EYS: variants seen among roughly 807,000 people sequenced by gnomAD.
EYS encodes EGF-like photoreceptor maintenance factor.
A neutral mutation model predicts 282.1 loss-of-function variants in EYS; 250 were observed. The ratio of observed to expected loss-of-function variants is 0.89; its 90% CI spans 0.80 to 0.98. The LOEUF (loss-of-function observed/expected upper bound fraction) is 0.98. Ranked by LOEUF, EYS falls within the 50% of genes least tolerant of loss-of-function variation. The probability of loss-of-function intolerance (pLI) is 0.00; values close to 1 mark genes in which losing one functional copy is unlikely to be tolerated. For synonymous variants in EYS, 1,355 were observed against 1,282.9 expected, an observed-to-expected ratio of 1.06 and a Z score of -1.20; for missense variants, 4,016 against 3,709.0, an observed-to-expected ratio of 1.08 and a Z score of -2.15.
intron 29 of EYS, among the ~76,000 whole-genome samples, chr6:64,362,918 C>T (rs563926427): frequency 2.0e-4 from 30 of 151,750 alleles, no homozygotes; most frequent in African/African-American, 7.0e-4. Context: ...TGTGAATATC[C>T]TTGTCAATTT....
intron 35 of EYS, among the ~76,000 whole-genome samples, chr6:63,981,371 G>T (rs550084849): frequency 6.6e-6 from 1 of 151,488 alleles, no homozygotes; most frequent in Admixed American, 6.6e-5. Context: ...ATCCTTTCAA[G>T]AATTAAAAAA....
chr6:65,346,940 G>A (rs964656640), intron 9 of EYS, among the ~76,000 whole-genome samples: 12 of 151,772 alleles, frequency 7.9e-5, no homozygotes. Flanking sequence ...TCCTAGATGA[G>A]TTCTACATTC....
At chr6:65,035,538 T>C (rs1430185532) in intron 13 of EYS, among the ~76,000 whole-genome samples, 1 of 152,014 alleles carries the variant, frequency 6.6e-6, no homozygotes, top group Non-Finnish European at 1.5e-5. Context: ...TATACACCAA[T>C]GATGTCCAAA....
At chr6:65,491,657 A>G (rs1376679998) in intron 4 of EYS, 1 of 394,074 alleles carries the variant, frequency 2.5e-6, no homozygotes, top group African/African-American at 2.1e-5. Flanking sequence ...AAGGTTCTCC[A>G]AACATAAAAA....
chr6:64,806,627 A>C (rs1480512854), intron 22 of EYS, among the ~76,000 whole-genome samples: 1 of 152,142 alleles, frequency 6.6e-6, no homozygotes, highest in Non-Finnish European at 1.5e-5. Context: ...AGGTAGAAAG[A>C]GTAATAAAGT....
In EYS at chr6:64,912,631, G is replaced by T; in HGVS notation, c.2494C>A (p.Gln832Lys). The T allele has an allele frequency of 1.3e-6, 2 of 1,550,610 alleles. No homozygotes were observed. The highest frequency in any genetic ancestry group is 1.2e-5 in the South Asian group (1 of 83,962). ...AGGGGTGGGCACAGACATACAAATT[G>T]TCCAGGGATGGTAGATTCATGACAA... The part of the protein sequence containing the change: ...GLCHESTIPG[Q>K]FVCLCPPLYT... Residue 832 changes from glutamine to lysine, a missense_variant, in exon 16 of 43, where the codon CAA becomes AAA. Physicochemically the swap from Gln to Lys is moderately conservative, Grantham distance 53. Transcript: ENST00000503581.
chr6:65,563,776 T>C (rs559151876), intron 2 of EYS, among the ~76,000 whole-genome samples: 1 of 152,250 alleles, frequency 6.6e-6, no homozygotes, highest in Admixed American at 6.5e-5. Context: ...GTGACTGTCT[T>C]GTAATTGTCA....
chr6:63,980,038 CA>C (rs1767016393), intron 35 of EYS, among the ~76,000 whole-genome samples: 1 of 151,786 alleles, frequency 6.6e-6, no homozygotes, highest in South Asian at 2.1e-4. Context: ...AACCAAGGTA[CA>C]AAAATTAGTG....
At chr6:64,518,213 A>G (rs1314692117) in intron 26 of EYS, among the ~76,000 whole-genome samples, 1 of 151,844 alleles carries the variant, frequency 6.6e-6, no homozygotes, top group Non-Finnish European at 1.5e-5. Flanking sequence ...TTCTCTATGC[A>G]GTCTAAGAAA....
At chr6:64,422,246 G>A (rs1306192231) in intron 28 of EYS, among the ~76,000 whole-genome samples, 3 of 151,922 alleles carry the variant, frequency 2.0e-5, no homozygotes, top group Non-Finnish European at 4.4e-5. Context: ...CATGTTACTC[G>A]AAACATGTTA....
intron 12 of EYS, among the ~76,000 whole-genome samples, chr6:65,290,411 C>A (rs1292847343): frequency 6.6e-6 from 1 of 150,816 alleles, no homozygotes; most frequent in Non-Finnish European, 1.5e-5. Flanking sequence ...ATATTTTTTT[C>A]TCATGTTTTA....
chr6:65,367,839 T>C (rs1764972528), intron 8 of EYS, among the ~76,000 whole-genome samples: 1 of 151,736 alleles, frequency 6.6e-6, no homozygotes, highest in Non-Finnish European at 1.5e-5. Flanking sequence ...GTACTTCTCA[T>C]TGGAAATTAG....
chr6:64,217,339 G>A (rs532753723), intron 31 of EYS, among the ~76,000 whole-genome samples: 74 of 152,116 alleles, frequency 4.9e-4, no homozygotes, highest in Non-Finnish European at 4.7e-4. Flanking sequence ...GACCAGCCGG[G>A]TCAACATGGC....
chr6:64,220,087 C>A (rs988867646), intron 31 of EYS, among the ~76,000 whole-genome samples: 1 of 152,068 alleles, frequency 6.6e-6, no homozygotes, highest in Non-Finnish European at 1.5e-5. Flanking sequence ...TGTTAAATGA[C>A]AAATTGGTGG....
chr6:64,119,688 CAG>C (rs1277109724), intron 31 of EYS, among the ~76,000 whole-genome samples: 2 of 152,100 alleles, frequency 1.3e-5, no homozygotes, highest in Admixed American at 6.5e-5. Flanking sequence ...AGGATATAGA[CAG>C]AGATTTTAAT....
chr6:65,070,989 T>C (rs1317464640), intron 12 of EYS, among the ~76,000 whole-genome samples: 1 of 151,922 alleles, frequency 6.6e-6, no homozygotes, highest in African/African-American at 2.4e-5. Context: ...TTGTCACTTT[T>C]TTATTTCACA....
intron 15 of EYS, among the ~76,000 whole-genome samples, chr6:64,938,553 C>G (rs1157175222): frequency 4.6e-5 from 7 of 151,544 alleles, no homozygotes; most frequent in Admixed American, 2.6e-4. Context: ...GGGATAAAAG[C>G]AATTTACATT....
intron 12 of EYS, among the ~76,000 whole-genome samples, chr6:65,107,536 T>TGA (rs1775077876): frequency 6.6e-6 from 1 of 151,850 alleles, no homozygotes; most frequent in African/African-American, 2.4e-5. Flanking sequence ...TTGAGAAAAG[T>TGA]GAGAGCTATA....
At chr6:63,978,643 T>A (rs552628888) in intron 35 of EYS, among the ~76,000 whole-genome samples, 1 of 152,030 alleles carries the variant, frequency 6.6e-6, no homozygotes, top group East Asian at 1.9e-4. Flanking sequence ...CCTAGCGACA[T>A]GACATTGTGA....
Sources: allele counts gnomAD v4.1 joint callset (sites outside exome capture counted in the v4.1 genomes callset), GRCh38; gene constraint gnomAD v4.1.1; transcripts MANE v1.5; gene names NCBI Gene and HGNC (gene_info 2026-07-23, HGNC 2026-07-21).